ATR: variants seen among roughly 807,000 people sequenced by gnomAD.
ATR encodes ATR checkpoint kinase.
A neutral mutation model predicts 305.3 loss-of-function variants in ATR; 142 were observed. The ratio of observed to expected loss-of-function variants is 0.47; its 90% CI spans 0.41 to 0.53. ATR has a LOEUF of 0.53. Ranked by LOEUF, ATR falls within the 20% of genes least tolerant of loss-of-function variation. The pLI is 0.00. For synonymous variants in ATR, 1,050 were observed against 1,068.1 expected (o/e 0.98, Z 0.33); for missense variants, 2,135 against 3,133.1 (o/e 0.68, Z 7.60).
At chr3:142,497,944 G>T (rs1032672332) in intron 32 of ATR, among the ~76,000 whole-genome samples, 5 of 152,026 alleles carry the variant, frequency 3.3e-5, no homozygotes, top group Admixed American at 1.3e-4. Context: ...CAGTGTTCAA[G>T]GTACAAGGAT....
chr3:142,568,853 C>G (rs1283577422), intron 1 of ATR, among the ~76,000 whole-genome samples: 3 of 152,248 alleles, frequency 2.0e-5, no homozygotes, highest in African/African-American at 2.4e-5. Context: ...GACACACCAG[C>G]CCCCTGCTGC....
At chr3:142,467,184 G>C (rs1421917732) in intron 39 of ATR, among the ~76,000 whole-genome samples, 1 of 152,086 alleles carries the variant, frequency 6.6e-6, no homozygotes, top group East Asian at 1.9e-4. Flanking sequence ...GTGAAGTCTA[G>C]CTATGTACCT....
chr3:142,481,161 C>T (rs2030438739), intron 36 of ATR, among the ~76,000 whole-genome samples: 1 of 152,250 alleles, frequency 6.6e-6, no homozygotes, highest in African/African-American at 2.4e-5. Flanking sequence ...GCAGAAATCA[C>T]CCATCTTCTG....
intron 15 of ATR, 71 bp downstream of exon 15, chr3:142,549,408 G>T: frequency 9.0e-7 from 1 of 1,105,252 alleles, no homozygotes; most frequent in Non-Finnish European, 1.3e-6. Flanking sequence ...CTCTTTCCTA[G>T]AAGAATGTTA....
chr3:142,534,984 C>G, intron 21 of ATR, 96 bp downstream of exon 21: 11 of 1,371,154 alleles, frequency 8.0e-6, no homozygotes, highest in Non-Finnish European at 1.1e-5. Context: ...TTTCTTCTTT[C>G]ACTAAATCTC....
At chr3:142,469,219 C>T in intron 38 of ATR, 118 bp downstream of exon 38, 1 of 685,254 alleles carries the variant, frequency 1.5e-6, no homozygotes, top group Non-Finnish European at 2.3e-6. Context: ...TTTAAAATTA[C>T]TAATCTAATA....
intron 36 of ATR, among the ~76,000 whole-genome samples, chr3:142,477,567 T>C (rs1412069025): frequency 3.3e-5 from 5 of 152,200 alleles, no homozygotes; most frequent in Non-Finnish European, 7.3e-5. Context: ...TTTTGTTGTG[T>C]CTCTGCCAGG....
intron 8 of ATR, 70 bp from the exon 9 acceptor site, chr3:142,556,645 T>C (rs1161593188): frequency 5.8e-6 from 8 of 1,371,198 alleles, no homozygotes; most frequent in Non-Finnish European, 7.1e-6. Flanking sequence ...TATACATATA[T>C]ATAAGTAAAG....
At chr3:142,466,001 C>A (rs1170617273) in intron 40 of ATR, among the ~76,000 whole-genome samples, 1 of 147,638 alleles carries the variant, frequency 6.8e-6, no homozygotes, top group Non-Finnish European at 1.5e-5. Flanking sequence ...CAGAATGAGA[C>A]CCTGTTTCCA....
chr3:142,475,513 T>C (rs1327365482), intron 36 of ATR, among the ~76,000 whole-genome samples: 1 of 152,230 alleles, frequency 6.6e-6, no homozygotes, highest in Non-Finnish European at 1.5e-5. Flanking sequence ...GACATTTGGG[T>C]TGGTTCCAAG....
chr3:142,528,313 C>T (rs904183262), intron 21 of ATR, among the ~76,000 whole-genome samples: 3 of 152,126 alleles, frequency 2.0e-5, no homozygotes, highest in African/African-American at 7.2e-5. Flanking sequence ...GTAGTCTCCT[C>T]TGATTGAGTT....
rs374946388 is a variant in ATR, at chr3:142,558,662, T to C, written c.1847A>G (p.Asn616Ser). ...GCLKLTTFAANLLTLSCRISD... is the reference protein window; with the variant it reads ...GCLKLTTFAASLLTLSCRISD... ...AATCCTACAGCTTAATGTTAGAAGA[T>C]TAGCGGCAAATGTGGTCAACTTTAA... The change falls in exon 8 of 47, where the codon AAT becomes AGT. Residue 616 changes from asparagine (N) to serine (S), a missense_variant. Asn to Ser is a conservative substitution (Grantham distance 46). Around this residue, in one of 9 missense-constraint regions of ATR, gnomAD observed 744 missense variants for 873.2 expected, o/e 0.85. Coordinates refer to ENST00000350721, the MANE Select transcript of ATR (RefSeq NM_001184.4). The C allele has an allele frequency of 8.1e-6, 13 of 1,613,466 alleles. No individual in the cohort carries two copies. The highest frequency in any genetic ancestry group is 6.7e-5 in the East Asian group (3 of 44,764).
chr3:142,536,216 G>C lies in ATR; in HGVS notation c.3726-15C>G. On this transcript the variant is annotated splice_polypyrimidine_tract_variant and intron_variant, in intron 19 of 46. Coordinates refer to ENST00000350721, the MANE Select transcript of ATR (RefSeq NM_001184.4). ...GCACAGCATCCCTAATAGTTAGTTG[G>C]AATAAAAAGAATTATTTGCCAAGAA... The C allele has an allele frequency of 6.7e-7, 1 of 1,496,406 alleles. No homozygotes were observed. The highest frequency in any genetic ancestry group is 1.7e-4 in the Middle Eastern group (1 of 5,772). The allele number at this position is 1,496,406 out of a possible 1,614,324, so 92.7% of individuals were successfully genotyped here. A position where few individuals can be genotyped will look rare whatever the true frequency, so the allele number is the denominator to read the frequency against.
At chr3:142,489,629 G>A (rs574005989) in intron 35 of ATR, among the ~76,000 whole-genome samples, 10 of 152,104 alleles carry the variant, frequency 6.6e-5, no homozygotes, top group East Asian at 5.8e-4. Context: ...ACCTTGTTGC[G>A]TGTATCAGTA....
At chr3:142,529,592 A>G (rs1438215369) in intron 21 of ATR, among the ~76,000 whole-genome samples, 4 of 152,124 alleles carry the variant, frequency 2.6e-5, no homozygotes, top group African/African-American at 9.7e-5. Context: ...ATCCTCTAAT[A>G]CATCTCTTAG....
chr3:142,530,171 C>T (rs1025670973), intron 21 of ATR, among the ~76,000 whole-genome samples: 2 of 151,864 alleles, frequency 1.3e-5, no homozygotes, highest in African/African-American at 4.8e-5. Context: ...TATTCAATGC[C>T]CCTTGCTAAA....
intron 26 of ATR, among the ~76,000 whole-genome samples, chr3:142,513,128 A>G (rs1339990623): frequency 1.3e-5 from 2 of 152,216 alleles, no homozygotes; most frequent in African/African-American, 4.8e-5. Flanking sequence ...AAGAAAATAT[A>G]GCAAATAAGT....
rs1473297786 is a variant in ATR, at chr3:142,458,999, C to G, written c.7462G>C (p.Gly2488Arg). The stretch of plus-strand genomic sequence containing the variant: ...TTGAAATCTACATGTACGCATTCAC[C>G]AGTCAAAGAATCAAAGAGAATATTT... ...GENILFDSLT[G>R]ECVHVDFNCL... The change falls in exon 44 of 47, where the codon GGT becomes CGT. Residue 2488 changes from glycine to arginine, a missense_variant. Transcript: ENST00000350721. The G allele has an allele frequency of 6.2e-7, 1 of 1,613,850 alleles. No individual in the cohort carries two copies. The highest frequency in any genetic ancestry group is 8.5e-7 in the Non-Finnish European group (1 of 1,179,792).
chr3:142,553,158 ATTC>A (rs1194160010), intron 13 of ATR, 66 bp downstream of exon 13: 25 of 1,532,430 alleles, frequency 1.6e-5, no homozygotes, highest in Non-Finnish European at 2.0e-5. Flanking sequence ...ATGTATAAAT[ATTC>A]TTCTTTTTTG....
Sources: gnomAD v4.1 joint callset for allele counts (sites outside exome capture counted in the v4.1 genomes callset) on GRCh38, gnomAD v4.1.1 for gene constraint, gnomAD v4.1.1 regional missense constraint, MANE v1.5 for transcripts, NCBI Gene and HGNC (gene_info 2026-07-23, HGNC 2026-07-21) for gene names.